DZIP1L: variants seen among roughly 807,000 people sequenced by gnomAD.
DZIP1L encodes cilium assembly protein DZIP1L.
Under a neutral mutation model 88.7 loss-of-function variants are expected in DZIP1L, and 90 were observed. That is an observed-to-expected ratio of 1.02 (90% CI 0.86 to 1.21). The LOEUF is 1.21. Ranked by LOEUF, DZIP1L falls within the 50% of genes most tolerant of loss-of-function variation. The pLI, the probability that DZIP1L is intolerant of heterozygous loss-of-function variation, is 0.00. For missense variants in DZIP1L, 932 were observed against 955.8 expected, an observed-to-expected ratio of 0.98 and a Z score of 0.33; for synonymous variants, 363 against 372.1, an observed-to-expected ratio of 0.98 and a Z score of 0.28.
At chr3:138,090,405 G>T (rs959072404) in intron 5 of DZIP1L, among the ~76,000 whole-genome samples, 1 of 152,146 alleles carries the variant, frequency 6.6e-6, no homozygotes, top group African/African-American at 2.4e-5. Context: ...GAAGTGTGGG[G>T]GTCAGGAGAT....
chr3:138,084,010 G>A, intron 8 of DZIP1L, 103 bp downstream of exon 8: 1 of 1,468,856 alleles, frequency 6.8e-7, no homozygotes, highest in African/African-American at 1.4e-5. Context: ...AGGAGCCTGA[G>A]TGGTAAGACT....
At chr3:138,106,127 CTTTTTTTTTTT>C (rs56146259) in intron 1 of DZIP1L, among the ~76,000 whole-genome samples, 3 of 64,516 alleles carry the variant, frequency 4.7e-5, no homozygotes, top group East Asian at 5.3e-4. Flanking sequence ...AGTCTTCTTT[CTTTTTTTTTTT>C]TTTTTTTTTT....
At chr3:138,072,172 A>G (rs1943213094) in intron 11 of DZIP1L, among the ~76,000 whole-genome samples, 1 of 152,242 alleles carries the variant, frequency 6.6e-6, no homozygotes, top group South Asian at 2.1e-4. Context: ...ATAAGAGACC[A>G]CAGCTTGCTC....
chr3:138,071,795 T>C lies in DZIP1L; in HGVS notation c.1463A>G (p.Glu488Gly). The change falls in exon 12 of 16, where the codon GAA (glutamate) becomes GGA (glycine). Residue 488 changes from glutamate to glycine, a missense_variant. Coordinates refer to ENST00000327532, the MANE Select transcript of DZIP1L (RefSeq NM_173543.3). Reference protein sequence around the residue: ...GISIQTLRHLESLLRVQREQK... With the variant: ...GISIQTLRHLGSLLRVQREQK... ...CTCCCGCTGGACTCTCAGCAGGGAT[T>C]CCAGGTGTCTGAGAGTCTGAATCGA... 1 of 1,614,122 alleles carries C rather than the reference T, an allele frequency of 6.2e-7. No homozygotes were observed. The highest frequency in any genetic ancestry group is 1.1e-5 in the South Asian group (1 of 91,070).
chr3:138,067,376 A>T (rs184451648), intron 14 of DZIP1L, among the ~76,000 whole-genome samples, 155 bp downstream of exon 14: 3 of 152,240 alleles, frequency 2.0e-5, no homozygotes, highest in Non-Finnish European at 2.9e-5. Flanking sequence ...TCTGAGGCGA[A>T]GGAGGACCAT....
intron 11 of DZIP1L, 80 bp from the exon 12 acceptor site, chr3:138,071,915 G>A: frequency 7.3e-7 from 1 of 1,376,998 alleles, no homozygotes; most frequent in Non-Finnish European, 9.8e-7. Flanking sequence ...ACCTGCTGCT[G>A]CTGGCCTGGG....
At chr3:138,085,262 T>G (rs955371545) in intron 7 of DZIP1L, among the ~76,000 whole-genome samples, 5 of 152,180 alleles carry the variant, frequency 3.3e-5, no homozygotes, top group Non-Finnish European at 7.3e-5. Flanking sequence ...AAATGGGATC[T>G]AATTAAACTC....
chr3:138,070,901 C>T (rs935334896), intron 12 of DZIP1L, among the ~76,000 whole-genome samples: 26 of 152,312 alleles, frequency 1.7e-4, no homozygotes, highest in African/African-American at 6.0e-4. Flanking sequence ...TTGGAACCCT[C>T]TGGAAACAGG....
intron 5 of DZIP1L, among the ~76,000 whole-genome samples, chr3:138,091,831 G>A (rs2082169493): frequency 7.0e-6 from 1 of 143,326 alleles, no homozygotes; most frequent in South Asian, 2.3e-4. Flanking sequence ...TTAAAAGTTA[G>A]TATATATAAA....
chr3:138,096,056 C>T (rs888965758), intron 3 of DZIP1L, among the ~76,000 whole-genome samples: 1 of 152,000 alleles, frequency 6.6e-6, no homozygotes, highest in African/African-American at 2.4e-5. Context: ...AAGCCTTTTC[C>T]TTGAAAAGAG....
At chr3:138,106,868 A>G (rs1392628892) in intron 1 of DZIP1L, among the ~76,000 whole-genome samples, 2 of 95,586 alleles carry the variant, frequency 2.1e-5, no homozygotes, top group Non-Finnish European at 5.1e-5. Context: ...CCAAAAAAAA[A>G]AGAGAGAGAG....
At chr3:138,080,335 C>A in intron 10 of DZIP1L, 1 of 412,946 alleles carries the variant, frequency 2.4e-6, no homozygotes. Flanking sequence ...AAGCTAATGA[C>A]CCTCTCTAGG....
chr3:138,068,265 G>C lies in DZIP1L; in HGVS notation c.1718C>G (p.Thr573Ser). 6.3e-7 allele frequency: 1 copy of C among 1,599,192 alleles called. No individual in the cohort carries two copies. The highest frequency in any genetic ancestry group is 8.5e-7 in the Non-Finnish European group (1 of 1,172,490). ...PSTPAEPPPP[T>S]RQSHGSHGSS... ...GCCATGGCTGCCATGGCTCTGACGA[G>C]TTGGTGGGGGTGGCTCTGCCGGTGT... The change falls in exon 13 of 16, where the codon ACT (threonine) becomes AGT (serine). Residue 573 changes from threonine to serine, a missense_variant. Thr to Ser is a moderately conservative substitution (Grantham distance 58). Coordinates refer to ENST00000327532, the MANE Select transcript of DZIP1L (RefSeq NM_173543.3).
intron 4 of DZIP1L, among the ~76,000 whole-genome samples, chr3:138,093,989 G>A (rs542737700): frequency 3.9e-4 from 60 of 152,316 alleles, no homozygotes; most frequent in African/African-American, 1.4e-3. Context: ...TAACTTGGCT[G>A]TTTGGCACAA....
Position 138,062,561 on chromosome 3 carries a change from G to T in DZIP1L, c.*255C>A. On this transcript the variant is annotated 3_prime_UTR_variant, in exon 16 of 16. Coordinates refer to ENST00000327532, the MANE Select transcript of DZIP1L (RefSeq NM_173543.3). ...TGGAGGTAGAGGAAGAAAACTACCT[G>T]GAGGTTCTATTTTAACCCTTTCTCA... is the stretch of plus-strand genomic sequence containing the variant. 2.4e-6 allele frequency: 1 copy of T among 412,842 alleles called. No individual in the cohort carries two copies. The allele number at this position is 412,842 out of a possible 1,614,324, so 25.6% of individuals were successfully genotyped here. A position where few individuals can be genotyped will look rare whatever the true frequency, so the allele number is the denominator to read the frequency against.
chr3:138,102,000 TCA>T (rs2042333647), intron 2 of DZIP1L: 4 of 1,529,514 alleles, frequency 2.6e-6, no homozygotes, highest in Admixed American at 3.4e-5. Flanking sequence ...CTCAGAGATC[TCA>T]GTCTTTGTAT....
chr3:138,086,503 C>T (rs775101599), intron 7 of DZIP1L, among the ~76,000 whole-genome samples: 21 of 152,154 alleles, frequency 1.4e-4, no homozygotes, highest in Non-Finnish European at 2.8e-4. Flanking sequence ...AGGCCTGTTG[C>T]TCCCTGTTCA....
intron 5 of DZIP1L, chr3:138,088,789 G>A (rs940067675): frequency 3.8e-5 from 40 of 1,063,482 alleles, no homozygotes; most frequent in African/African-American, 1.8e-4. Flanking sequence ...TCAAAATCCC[G>A]AGCTCTCCTG....
At chr3:138,089,063 T>C (rs1487195184) in intron 5 of DZIP1L, 2 of 985,344 alleles carry the variant, frequency 2.0e-6, no homozygotes, top group African/African-American at 1.7e-5. Context: ...TCCACCCACC[T>C]TTGATTATTT....
Sources: gnomAD v4.1 joint callset for allele counts (sites outside exome capture counted in the v4.1 genomes callset) on GRCh38, gnomAD v4.1.1 for gene constraint, MANE v1.5 for transcripts, NCBI Gene and HGNC (gene_info 2026-07-23, HGNC 2026-07-21) for gene names.